ITPR2: variants seen among roughly 807,000 people sequenced by gnomAD.
The protein encoded by ITPR2 is inositol 1,4,5-trisphosphate-gated calcium channel ITPR2.
A neutral mutation model predicts 317.1 loss-of-function variants in ITPR2; 207 were observed. That is an observed-to-expected ratio of 0.65 (90% CI 0.58 to 0.73). The LOEUF is 0.73. Among genes scored for constraint, ITPR2 ranks in the 30% least tolerant of loss-of-function variants. The probability of loss-of-function intolerance (pLI) is 0.00; values close to 1 mark genes in which losing one functional copy is unlikely to be tolerated. For synonymous variants in ITPR2, 1,156 were observed against 1,149.1 expected (o/e 1.01, Z -0.12); for missense variants, 2,613 against 3,284.0 (o/e 0.80, Z 4.99).
At chr12:26,503,555 T>A (rs1036810550) in intron 37 of ITPR2, among the ~76,000 whole-genome samples, 1 of 152,146 alleles carries the variant, frequency 6.6e-6, no homozygotes, top group Non-Finnish European at 1.5e-5. Context: ...ACAATGCACG[T>A]TAGTGGACCT....
chr12:26,492,959 A>T (rs2136868076), intron 39 of ITPR2, among the ~76,000 whole-genome samples: 1 of 151,030 alleles, frequency 6.6e-6, no homozygotes, highest in Non-Finnish European at 1.5e-5. Context: ...ATCAGATTGT[A>T]CCCCATAAAT....
At chr12:26,350,642 G>A (rs1938450566) in intron 55 of ITPR2, among the ~76,000 whole-genome samples, 1 of 152,086 alleles carries the variant, frequency 6.6e-6, no homozygotes, top group Middle Eastern at 3.4e-3. Context: ...TTCCTGTGGT[G>A]GCAAGTGGTG....
At chr12:26,366,966 G>T (rs1284348273) in intron 55 of ITPR2, among the ~76,000 whole-genome samples, 1 of 151,974 alleles carries the variant, frequency 6.6e-6, no homozygotes, top group Non-Finnish European at 1.5e-5. Context: ...TCAACTGAGG[G>T]CTTTGAGGAT....
At chr12:26,667,754 T>G (rs1449498821) in intron 13 of ITPR2, among the ~76,000 whole-genome samples, 11 of 152,236 alleles carry the variant, frequency 7.2e-5, no homozygotes, top group Non-Finnish European at 1.3e-4. Context: ...AGATTCCTTT[T>G]CTCTTGCTGT....
At chr12:26,540,434 T>TA (rs1473367613) in intron 37 of ITPR2, among the ~76,000 whole-genome samples, 2 of 152,220 alleles carry the variant, frequency 1.3e-5, no homozygotes, top group East Asian at 3.8e-4. Context: ...TTTAGTTCCT[T>TA]ATTCTCTTCT....
At chr12:26,590,954 C>T (rs1251358083) in intron 32 of ITPR2, among the ~76,000 whole-genome samples, 1 of 151,786 alleles carries the variant, frequency 6.6e-6, no homozygotes, top group Non-Finnish European at 1.5e-5. Context: ...GTGGCAGGTG[C>T]CTGTAGTCCC....
intron 2 of ITPR2, 127 bp from the exon 3 acceptor site, chr12:26,725,892 C>T (rs760834624): frequency 2.6e-5 from 16 of 608,838 alleles, no homozygotes; most frequent in Admixed American, 5.7e-5. Flanking sequence ...TCATATAGTC[C>T]GTCCTCCAGC....
chr12:26,793,405 A>G (rs1950377200), intron 1 of ITPR2, among the ~76,000 whole-genome samples: 1 of 152,192 alleles, frequency 6.6e-6, no homozygotes, highest in South Asian at 2.1e-4. Flanking sequence ...GTCCAGACCT[A>G]TTAGAATAAA....
intron 50 of ITPR2, among the ~76,000 whole-genome samples, chr12:26,416,359 A>C (rs1441147067): frequency 6.6e-6 from 1 of 152,218 alleles, no homozygotes; most frequent in Non-Finnish European, 1.5e-5. Flanking sequence ...AAATGCAATA[A>C]AATCACATTC....
intron 55 of ITPR2, among the ~76,000 whole-genome samples, chr12:26,357,080 C>T (rs1938664901): frequency 6.6e-6 from 1 of 151,754 alleles, no homozygotes; most frequent in Non-Finnish European, 1.5e-5. Flanking sequence ...CTTTTTTATT[C>T]ATGGGCTGCC....
rs184397022 is a variant in ITPR2 at position 26,492,155 on chromosome 12, G to A, written c.5370+1998C>T. Among the ~76,000 whole-genome samples, 19 of 152,280 alleles carry A rather than the reference G, an allele frequency of 1.2e-4. No individual in the cohort carries two copies. In the East Asian group the frequency reaches 2.9e-3, roughly 23 times the overall value. On this transcript the variant is annotated intron_variant, in intron 39 of 56. Coordinates refer to ENST00000381340, the MANE Select transcript of ITPR2 (RefSeq NM_002223.4). ...AGGGTGGTATCCCAAGACCCAGGCA[G>A]AAAAGGTTTCAAGAAGAAAGAAAAA...
At chr12:26,506,191 A>G (rs377272737) in intron 37 of ITPR2, among the ~76,000 whole-genome samples, 7 of 143,714 alleles carry the variant, frequency 4.9e-5, no homozygotes, top group Admixed American at 3.5e-4. Context: ...CAATATAGGG[A>G]GACCTCTTCT....
chr12:26,744,182 C>T lies in ITPR2; in HGVS notation c.164-18417G>A, dbSNP rs945680945. On this transcript the variant is annotated intron_variant, in intron 2 of 56. Transcript: ENST00000381340. ...GCCTCCACCTTACTCAAAGCAAAAG[C>T]CAAAGGCCTCCCTGTGGCCCACAAG... is the stretch of plus-strand genomic sequence containing the variant. Among the ~76,000 whole-genome samples, 5 of 152,236 alleles carry T rather than the reference C, an allele frequency of 3.3e-5. No individual in the cohort carries two copies. In the South Asian group the frequency reaches 6.2e-4, roughly 19 times the overall value.
intron 2 of ITPR2, among the ~76,000 whole-genome samples, chr12:26,789,306 A>G (rs1013313557): frequency 6.6e-6 from 1 of 152,244 alleles, no homozygotes; most frequent in Admixed American, 6.5e-5. Flanking sequence ...TATCCCAGAG[A>G]GTAAAACATG....
chr12:26,572,996 CATTTATTTATTTATTTATTT>C (rs369855705), intron 34 of ITPR2, among the ~76,000 whole-genome samples: 9 of 149,490 alleles, frequency 6.0e-5, no homozygotes, highest in African/African-American at 2.2e-4. Context: ...ACTTGGATTT[CATTTATTTATTTATTTATTT>C]ATTTATTTAT....
chr12:26,620,396 T>C (rs1461485286), intron 26 of ITPR2, among the ~76,000 whole-genome samples: 1 of 152,180 alleles, frequency 6.6e-6, no homozygotes, highest in East Asian at 1.9e-4. Flanking sequence ...CTAAGGCAGG[T>C]AAACCCATCA....
rs1325938497 is a variant in ITPR2, at chr12:26,781,990, CTGTATATATA to C, written c.163+8157_163+8166del. 8.0e-4 allele frequency among the ~76,000 whole-genome samples: 48 copies of C among 60,348 alleles called. 1 individual carries two copies. The highest frequency in any genetic ancestry group is 3.2e-3 in the African/African-American group (48 of 15,054). The allele number at this position is 60,348 out of a possible 152,430, so 39.6% of individuals were successfully genotyped here. A position where few individuals can be genotyped will look rare whatever the true frequency, so the allele number is the denominator to read the frequency against. ...AGTTAATACTACTTAATAAACTCCC[CTGTATATATA>C]TATATATATATATATATATATATAT... is the stretch of plus-strand genomic sequence containing the variant. On this transcript the variant is annotated intron_variant, in intron 2 of 56. Coordinates refer to ENST00000381340, the MANE Select transcript of ITPR2 (RefSeq NM_002223.4).
chr12:26,439,885 C>T (rs1316339271), intron 46 of ITPR2, among the ~76,000 whole-genome samples: 1 of 152,026 alleles, frequency 6.6e-6, no homozygotes, highest in Admixed American at 6.6e-5. Context: ...TTTAAATACT[C>T]ATCATTTTTA....
intron 39 of ITPR2, among the ~76,000 whole-genome samples, chr12:26,489,328 AG>A (rs1942746204): frequency 6.6e-6 from 1 of 152,192 alleles, no homozygotes; most frequent in South Asian, 2.1e-4. Context: ...AGGGAAGGGA[AG>A]TGAGAATGGA....
Sources: allele counts gnomAD v4.1 joint callset (sites outside exome capture counted in the v4.1 genomes callset), GRCh38; gene constraint gnomAD v4.1.1; transcripts MANE v1.5; gene names NCBI Gene and HGNC (gene_info 2026-07-23, HGNC 2026-07-21).